DHRSX: variants seen among roughly 807,000 people sequenced by gnomAD.
DHRSX encodes the protein dehydrogenase/reductase X-linked.
A neutral mutation model predicts 34.0 loss-of-function variants in DHRSX; 31 were observed. The observed-to-expected ratio is 0.91, with a 90% CI of 0.69 to 1.23. The LOEUF (loss-of-function observed/expected upper bound fraction) is 1.23. DHRSX is among the 50% of genes most tolerant of loss of function. The pLI, the probability that DHRSX is intolerant of heterozygous loss-of-function variation, is 0.00. For synonymous variants in DHRSX, 201 were observed against 183.8 expected, an observed-to-expected ratio of 1.09 and a Z score of -0.76; for missense variants, 414 against 428.1, an observed-to-expected ratio of 0.97 and a Z score of 0.29.
intron 5 of DHRSX, among the ~76,000 whole-genome samples, chrX:2,246,609 TGA>T (rs2016287924): frequency 7.9e-6 from 1 of 127,168 alleles, no homozygotes; most frequent in Non-Finnish European, 1.6e-5. Context: ...GGCAACAGAG[TGA>T]AAGTCTGTCA....
intron 3 of DHRSX, among the ~76,000 whole-genome samples, chrX:2,352,704 A>G (rs1176263685): frequency 6.6e-6 from 1 of 152,194 alleles, no homozygotes; most frequent in African/African-American, 2.4e-5. Context: ...CAGGGGATAC[A>G]GCAGAGGTGT....
intron 4 of DHRSX, among the ~76,000 whole-genome samples, chrX:2,275,324 C>A (rs934202004): frequency 7.4e-6 from 1 of 135,322 alleles, no homozygotes; most frequent in Non-Finnish European, 1.6e-5. Flanking sequence ...TTGGTGAAAC[C>A]CCGTCTCTAC....
At chrX:2,384,347 T>C (rs1178958018) in intron 3 of DHRSX, among the ~76,000 whole-genome samples, 2 of 151,980 alleles carry the variant, frequency 1.3e-5, no homozygotes, top group African/African-American at 2.4e-5. Flanking sequence ...GAAACAAATA[T>C]ATTGGTGAGA....
intron 1 of DHRSX, among the ~76,000 whole-genome samples, chrX:2,427,755 C>A (rs2043867589): frequency 6.6e-6 from 1 of 152,048 alleles, no homozygotes; most frequent in Non-Finnish European, 1.5e-5. Context: ...TCAGGAAAGT[C>A]CCTTTCTGTG....
At chrX:2,350,350 C>CA (rs1484960721) in intron 3 of DHRSX, among the ~76,000 whole-genome samples, 1 of 151,762 alleles carries the variant, frequency 6.6e-6, no homozygotes, top group Non-Finnish European at 1.5e-5. Context: ...GACTCCATCT[C>CA]AAAAAAAGAA....
At chrX:2,226,416 A>AC (rs1165650061) in intron 6 of DHRSX, among the ~76,000 whole-genome samples, 1 of 152,094 alleles carries the variant, frequency 6.6e-6, no homozygotes, top group Non-Finnish European at 1.5e-5. Flanking sequence ...GGACTGTTCA[A>AC]GAACACCAAG....
chrX:2,364,957 T>C (rs1350264503), intron 3 of DHRSX, among the ~76,000 whole-genome samples: 1 of 152,218 alleles, frequency 6.6e-6, no homozygotes. Flanking sequence ...ATCATCTATC[T>C]ATATCACAGT....
Position 2,262,202 on chromosome X carries a change from C to T in DHRSX, c.596+4538G>A, listed in dbSNP as rs186816159. ...CAGGCAAACCCTTCAGCATGGAGCC[C>T]GAGGCAGGAGGCCTACACAATCCTG... On this transcript the variant is annotated intron_variant, in intron 5 of 6. Coordinates refer to ENST00000334651, the MANE Select transcript of DHRSX (RefSeq NM_145177.3). 2.4e-3 allele frequency among the ~76,000 whole-genome samples: 366 copies of T among 152,234 alleles called. 2 individuals are homozygous for T. The highest frequency in any genetic ancestry group is 8.3e-3 in the African/African-American group (345 of 41,534).
At chrX:2,401,204 G>A (rs1238729387) in intron 3 of DHRSX, among the ~76,000 whole-genome samples, 2 of 151,074 alleles carry the variant, frequency 1.3e-5, no homozygotes, top group Non-Finnish European at 2.9e-5. Context: ...TCCGCCTCCC[G>A]GGTCCAAGCC....
At chrX:2,296,342 G>C (rs970785857) in intron 3 of DHRSX, among the ~76,000 whole-genome samples, 4 of 152,204 alleles carry the variant, frequency 2.6e-5, no homozygotes, top group African/African-American at 9.7e-5. Context: ...GCCCCAGAGG[G>C]AGGGGAGGGA....
chrX:2,490,036 CATG>C, intron 1 of DHRSX: 1 of 1,613,802 alleles, frequency 6.2e-7, no homozygotes, highest in Non-Finnish European at 8.5e-7. Context: ...AGCGGGAGCC[CATG>C]GACAGGCAGT....
At chrX:2,430,196 GCA>G (rs1304477843) in intron 1 of DHRSX, among the ~76,000 whole-genome samples, 1 of 144,758 alleles carries the variant, frequency 6.9e-6, no homozygotes, top group Admixed American at 7.2e-5. Context: ...CCCTGAAAAC[GCA>G]CAGTGAGCCG....
At chrX:2,270,180 C>T (rs1311414857) in intron 4 of DHRSX, among the ~76,000 whole-genome samples, 1 of 152,068 alleles carries the variant, frequency 6.6e-6, no homozygotes, top group Non-Finnish European at 1.5e-5. Flanking sequence ...ATTTTTGATG[C>T]GTGTGCATTT....
At chrX:2,324,195 G>C (rs1360348750) in intron 3 of DHRSX, among the ~76,000 whole-genome samples, 1 of 152,094 alleles carries the variant, frequency 6.6e-6, no homozygotes, top group East Asian at 1.9e-4. Flanking sequence ...GGGTAAGAAG[G>C]ACCCATTTCC....
chrX:2,271,246 G>A (rs2041550197), intron 4 of DHRSX, among the ~76,000 whole-genome samples: 1 of 152,128 alleles, frequency 6.6e-6, no homozygotes, highest in Non-Finnish European at 1.5e-5. Flanking sequence ...ACAAACTCGG[G>A]ACGCACCATC....
chrX:2,491,339 G>A (rs1031373253), intron 1 of DHRSX, among the ~76,000 whole-genome samples: 7 of 152,214 alleles, frequency 4.6e-5, no homozygotes, highest in Non-Finnish European at 7.3e-5. Flanking sequence ...CAAAGTGCTG[G>A]GATGACAGGC....
chrX:2,492,089 A>G (rs935448877), intron 1 of DHRSX, among the ~76,000 whole-genome samples: 1 of 152,232 alleles, frequency 6.6e-6, no homozygotes, highest in Non-Finnish European at 1.5e-5. Context: ...GCAAGGAGGC[A>G]TATTTCAATG....
At chrX:2,345,112 T>C (rs1273767609) in intron 3 of DHRSX, among the ~76,000 whole-genome samples, 1 of 151,794 alleles carries the variant, frequency 6.6e-6, no homozygotes, top group East Asian at 1.9e-4. Context: ...TGGCTTCCCC[T>C]GCCTCTTGAA....
chrX:2,300,241 G>A (rs1229214649), intron 3 of DHRSX, among the ~76,000 whole-genome samples: 3 of 152,016 alleles, frequency 2.0e-5, no homozygotes, highest in Non-Finnish European at 2.9e-5. Flanking sequence ...AGACTGAGCC[G>A]TGCCCTCCCT....
Sources: gnomAD v4.1 joint callset for allele counts (sites outside exome capture counted in the v4.1 genomes callset) on GRCh38, gnomAD v4.1.1 for gene constraint, MANE v1.5 for transcripts, NCBI Gene and HGNC (gene_info 2026-07-23, HGNC 2026-07-21) for gene names.